Variants in NCOR2 observed in about 807,000 individuals in gnomAD.
The protein encoded by NCOR2 is CTG repeat protein 26.
NCOR2 carries 81 observed loss-of-function variants against 262.9 expected under a neutral mutation model. The observed-to-expected ratio is 0.31, with a 90% CI of 0.26 to 0.37. The LOEUF is 0.37. NCOR2 is among the 10% of genes least tolerant of loss of function. The probability of loss-of-function intolerance (pLI) is 1.00; values close to 1 mark genes in which losing one functional copy is unlikely to be tolerated. For synonymous variants in NCOR2, 1,659 were observed against 1,559.3 expected (o/e 1.06, Z -1.51); for missense variants, 3,385 against 3,621.4 (o/e 0.93, Z 1.68).
rs2048855869 is a variant in NCOR2 at position 124,503,485 on chromosome 12, G to GATGGATTT, written c.-117-8118_-117-8117insAAATCCAT. Among the ~76,000 whole-genome samples the GATGGATTT allele has an allele frequency of 6.6e-6, 1 of 151,102 alleles. No individual in the cohort carries two copies. Among genetic ancestry groups the GATGGATTT allele is most frequent in the African/African-American group, 2.4e-5 (1 of 41,094 alleles). ...TGGACTGATGGATGGATGGATGGAT[G>GATGGATTT]ATGGATTGATGGATGGATGGATGGA... is the stretch of plus-strand genomic sequence containing the variant. On this transcript the variant is annotated intron_variant, in intron 1 of 46. Coordinates refer to the NCOR2 transcript ENST00000404621. This position sits in a 1 kb window ranked among gnomAD's most constrained non-coding sequence, Gnocchi z 4.3.
In NCOR2 at chr12:124,348,283, C is replaced by A. The variant is rs1219221074; in HGVS notation, c.3876G>T (p.Glu1292Asp). Residue 1292 changes from glutamate (E) to aspartate (D), a missense_variant, in exon 29 of 47, where the codon GAG (glutamate) becomes GAT (aspartate). Around this residue, in one of 5 missense-constraint regions of NCOR2, gnomAD observed 1,615 missense variants for 1,626.9 expected, o/e 0.99. Transcript: ENST00000405201. The stretch of plus-strand genomic sequence containing the variant: ...GGGGTCCTGAGCTGCTTCTGCCGTC[C>A]TCCTTGGAGCACTGGGTCACAGACA... The A allele has an allele frequency of 2.5e-6, 4 of 1,612,362 alleles. No individual in the cohort carries two copies. The East Asian group carries it at 8.9e-5, about 36-fold the overall frequency.
intron 1 of NCOR2, among the ~76,000 whole-genome samples, chr12:124,522,761 A>G (rs1039789503): frequency 2.6e-5 from 4 of 152,222 alleles, no homozygotes; most frequent in Non-Finnish European, 4.4e-5. Flanking sequence ...AGTTCCAGAA[A>G]ACTGGCTGGA....
intron 37 of NCOR2, among the ~76,000 whole-genome samples, chr12:124,339,727 T>A (rs2036261475): frequency 2.5e-5 from 2 of 81,128 alleles, no homozygotes; most frequent in African/African-American, 7.5e-5. Flanking sequence ...CAGCCATCTA[T>A]CTTTCCACTG....
At chr12:124,501,076 A>ATG (rs1566002084) in intron 1 of NCOR2, among the ~76,000 whole-genome samples, 1 of 142,844 alleles carries the variant, frequency 7.0e-6, no homozygotes, top group Non-Finnish European at 1.6e-5. Context: ...ACACACACAC[A>ATG]CACACACACA....
chr12:124,473,171 G>C (rs143619072), intron 3 of NCOR2, 40 bp from the exon 6 acceptor site: 1 of 1,609,062 alleles, frequency 6.2e-7, no homozygotes, highest in Non-Finnish European at 8.5e-7. Context: ...CAGCACAGGG[G>C]ACACCCCCCA....
chr12:124,354,211 A>T lies in NCOR2; in HGVS notation c.3590-15T>A. On this transcript the variant is annotated splice_polypyrimidine_tract_variant and intron_variant, in intron 26 of 46. Coordinates refer to ENST00000405201, the Ensembl canonical transcript of NCOR2. ...CAGAGCTGTCCCTGGAAGACACAAG[A>T]TGTGGGGCTGAGGGCGTGTCTGTGG... 1.3e-6 allele frequency: 2 copies of T among 1,581,162 alleles called. No individual in the cohort carries two copies. Among genetic ancestry groups the T allele is most frequent in the Non-Finnish European group, 1.7e-6 (2 of 1,167,156 alleles).
At chr12:124,524,074 A>T (rs1413622207) in intron 1 of NCOR2, among the ~76,000 whole-genome samples, 1 of 152,226 alleles carries the variant, frequency 6.6e-6, no homozygotes, top group Non-Finnish European at 1.5e-5. Flanking sequence ...CCCATGGGAC[A>T]TTCTACCCAG....
intron 1 of NCOR2, among the ~76,000 whole-genome samples, chr12:124,551,679 T>G (rs1167411288): frequency 1.3e-5 from 2 of 151,820 alleles, no homozygotes; most frequent in African/African-American, 2.4e-5. Flanking sequence ...GGACCTGGAG[T>G]CTCTTCCAGC....
At chr12:124,545,086 T>C (rs774267252) in intron 1 of NCOR2, among the ~76,000 whole-genome samples, 5 of 151,956 alleles carry the variant, frequency 3.3e-5, no homozygotes, top group South Asian at 2.1e-4. Flanking sequence ...CAGTGCTCAG[T>C]TGAAGCTCAC....
Position 124,392,225 on chromosome 12 carries a change from C to A in NCOR2, c.1876+5894G>T, listed in dbSNP as rs534373668. 2.6e-5 allele frequency among the ~76,000 whole-genome samples: 4 copies of A among 152,302 alleles called. No individual in the cohort carries two copies. The East Asian group carries it at 7.7e-4, about 29-fold the overall frequency. ...AGGGGGGCTTGTTGATGCCTGATTT[C>A]ATCTTCAAGGGTGCTGACAGGAGCA... On this transcript the variant is annotated intron_variant, in intron 16 of 46. Transcript: ENST00000405201.
In NCOR2 at chr12:124,457,025, G is replaced by T; in HGVS notation, c.762+81C>A. 1.8e-6 allele frequency: 2 copies of T among 1,130,648 alleles called. No individual in the cohort carries two copies. Among genetic ancestry groups the T allele is most frequent in the Non-Finnish European group, 1.2e-6 (1 of 835,698 alleles). 70.0% of individuals were successfully genotyped at this position (1,130,648 alleles called of 1,614,324 possible). On this transcript the variant is annotated intron_variant, in intron 6 of 46. Transcript: ENST00000405201. The surrounding 1 kb of genome is among the most constrained non-coding windows in gnomAD (Gnocchi z 4.0). Reference sequence around the variant, plus strand: ...TTGGTAATAGATGACTTCCTCCTCCGCCGCACCCTCCCGCCTCCCTGCCCA... The same window carrying T: ...TTGGTAATAGATGACTTCCTCCTCCTCCGCACCCTCCCGCCTCCCTGCCCA...
chr12:124,445,823 G>C (rs779479978), intron 7 of NCOR2, among the ~76,000 whole-genome samples: 5 of 152,270 alleles, frequency 3.3e-5, no homozygotes, highest in Admixed American at 6.5e-5. Flanking sequence ...TTTGTCGAAT[G>C]AATGAGTCTG....
rs774339884 is a variant in NCOR2 at position 124,335,647 on chromosome 12, G to A, written c.6116-15C>T. 21 of 1,589,926 alleles carry A rather than the reference G, an allele frequency of 1.3e-5. No homozygotes were observed. In the South Asian group the frequency reaches 2.1e-4, roughly 16 times the overall value. ...GCCGTGGTAACCTAGGGCAGGCGGG[G>A]GGTGCAGAGTCAGGCACCGGGCCCA... On this transcript the variant is annotated splice_polypyrimidine_tract_variant and intron_variant, in intron 38 of 46. Transcript: ENST00000405201.
intron 1 of NCOR2, among the ~76,000 whole-genome samples, chr12:124,519,968 A>G (rs977903855): frequency 1.3e-5 from 2 of 152,206 alleles, no homozygotes; most frequent in African/African-American, 4.8e-5. Flanking sequence ...CCACGTGGTA[A>G]TTCAGCCACA....
At chr12:124,519,119 C>G (rs1009172272) in intron 1 of NCOR2, among the ~76,000 whole-genome samples, 2 of 151,114 alleles carry the variant, frequency 1.3e-5, no homozygotes, top group African/African-American at 4.9e-5. Flanking sequence ...CACACACACA[C>G]ACACACACAC....
rs370827132 is a variant in NCOR2, at chr12:124,495,113, G to T, written c.105+34C>A. 1.9e-6 allele frequency: 3 copies of T among 1,608,644 alleles called. No individual in the cohort carries two copies. Among genetic ancestry groups the T allele is most frequent in the Non-Finnish European group, 2.5e-6 (3 of 1,177,666 alleles). ...GTGGAATGGAAGAAGGGTCTCAAAG[G>T]TAGCCCCAGGCGCACACATGTGCAC... On this transcript the variant is annotated intron_variant, in intron 1 of 46. Coordinates refer to ENST00000405201, the Ensembl canonical transcript of NCOR2. The surrounding 1 kb of genome is among the most constrained non-coding windows in gnomAD (Gnocchi z 4.4).
intron 1 of NCOR2, among the ~76,000 whole-genome samples, chr12:124,491,960 T>C (rs149666542): frequency 6.6e-6 from 1 of 152,128 alleles, no homozygotes; most frequent in African/African-American, 2.4e-5. Flanking sequence ...GCCTGGAGCA[T>C]GGCTGAGGCT....
chr12:124,354,714 G>A, intron 25 of NCOR2, 123 bp downstream of exon 27: 5 of 1,290,624 alleles, frequency 3.9e-6, no homozygotes, highest in Non-Finnish European at 4.2e-6. Flanking sequence ...GGCTGCTGAG[G>A]GGGGACCTCC....
chr12:124,536,907 T>C (rs1424786257), upstream of NCOR2, among the ~76,000 whole-genome samples: 1 of 152,110 alleles, frequency 6.6e-6, no homozygotes. Flanking sequence ...CAACGGTCCA[T>C]CGACAGGTGA....
Sources: allele counts gnomAD v4.1 joint callset (sites outside exome capture counted in the v4.1 genomes callset), GRCh38; gene constraint gnomAD v4.1.1; regional missense constraint gnomAD v4.1.1; non-coding constraint Gnocchi (gnomAD v3.1); transcripts MANE v1.5; gene names NCBI Gene and HGNC (gene_info 2026-07-23, HGNC 2026-07-21).